CCDC191: variants seen among roughly 807,000 people sequenced by gnomAD.
The protein encoded by CCDC191 is coiled-coil domain-containing protein 191.
In CCDC191, 99 loss-of-function variants were observed where a neutral mutation model predicts 114.0. The ratio of observed to expected loss-of-function variants is 0.87; its 90% CI spans 0.74 to 1.03. The LOEUF is 1.03. CCDC191 is among the 50% of genes least tolerant of loss of function. CCDC191 has a pLI of 0.00. For missense variants in CCDC191, 973 were observed against 1,087.0 expected (o/e 0.90, Z 1.47); for synonymous variants, 351 against 376.0 (o/e 0.93, Z 0.77).
intron 13 of CCDC191, among the ~76,000 whole-genome samples, chr3:113,991,192 C>T (rs763544230): frequency 6.7e-6 from 1 of 148,202 alleles, no homozygotes; most frequent in East Asian, 2.0e-4. Flanking sequence ...GCTGAGATCA[C>T]GCCACTGCAC....
chr3:114,006,599 T>TAG (rs1321397981), intron 9 of CCDC191, among the ~76,000 whole-genome samples: 1 of 135,474 alleles, frequency 7.4e-6, no homozygotes, highest in African/African-American at 2.9e-5. Flanking sequence ...TATATATATA[T>TAG]ATATATATAT....
chr3:113,995,620 G>C (rs905114358), intron 13 of CCDC191, among the ~76,000 whole-genome samples: 3 of 152,176 alleles, frequency 2.0e-5, no homozygotes, highest in African/African-American at 7.2e-5. Flanking sequence ...AGAATGATTT[G>C]TATCGCTTTG....
At chr3:114,056,195 G>A (rs2076776380) in intron 1 of CCDC191, among the ~76,000 whole-genome samples, 182 bp downstream of exon 1, 1 of 152,086 alleles carries the variant, frequency 6.6e-6, no homozygotes, top group South Asian at 2.1e-4. Context: ...GCCGTAATGT[G>A]CCCAGACCCC....
chr3:114,047,836 G>A (rs2076650420), intron 2 of CCDC191, among the ~76,000 whole-genome samples: 1 of 152,038 alleles, frequency 6.6e-6, no homozygotes, highest in Non-Finnish European at 1.5e-5. Flanking sequence ...TTAGCCGGGT[G>A]TGGTGGCATG....
intron 13 of CCDC191, among the ~76,000 whole-genome samples, chr3:113,982,763 G>T: frequency 6.7e-6 from 1 of 150,326 alleles, no homozygotes; most frequent in African/African-American, 2.5e-5. Context: ...TTTATACTCT[G>T]CTCTTCTGCA....
At chr3:114,054,123 T>G (rs964262149) in intron 1 of CCDC191, 1 of 152,340 alleles carries the variant, frequency 6.6e-6, no homozygotes, top group East Asian at 1.9e-4. Context: ...GGATCTTGTT[T>G]GGCCCAATAA....
At chr3:113,978,743 A>T in intron 15 of CCDC191, 115 bp downstream of exon 15, 1 of 1,073,586 alleles carries the variant, frequency 9.3e-7, no homozygotes, top group Non-Finnish European at 1.4e-6. Context: ...GGGATTGACT[A>T]CTCTTTTGTT....
Position 114,011,014 on chromosome 3 carries a change from G to T in CCDC191, c.1171C>A (p.Gln391Lys). The T allele has an allele frequency of 6.2e-7, 1 of 1,610,172 alleles. No homozygotes were observed. The highest frequency in any genetic ancestry group is 8.5e-7 in the Non-Finnish European group (1 of 1,177,830). ...NDLREENRKQ[Q>K]LATEYNRKQV... ...TTCCGGTTATACTCAGTGGCCAGTTGTTGTTTTCTAAGCAACAAAGCACTT... is the reference window on the plus strand; with the variant it reads ...TTCCGGTTATACTCAGTGGCCAGTTTTTGTTTTCTAAGCAACAAAGCACTT... The change falls in exon 9 of 17, where the codon CAA becomes AAA. Residue 391 changes from glutamine to lysine, a missense_variant. Coordinates refer to ENST00000295878, the MANE Select transcript of CCDC191 (RefSeq NM_020817.2).
At chr3:114,014,242 C>T (rs146485482) in intron 8 of CCDC191, among the ~76,000 whole-genome samples, 1 of 152,206 alleles carries the variant, frequency 6.6e-6, no homozygotes, top group African/African-American at 2.4e-5. Context: ...GTGCCAGGTA[C>T]CCCCAGGGAC....
At chr3:114,052,194 A>G (rs2076706831) in intron 2 of CCDC191, among the ~76,000 whole-genome samples, 1 of 152,114 alleles carries the variant, frequency 6.6e-6, no homozygotes, top group Non-Finnish European at 1.5e-5. Flanking sequence ...TTTTTTCAAG[A>G]CAGATTTGAT....
chr3:114,011,493 A>G (rs2076069270), intron 8 of CCDC191, among the ~76,000 whole-genome samples: 1 of 152,236 alleles, frequency 6.6e-6, no homozygotes, highest in Non-Finnish European at 1.5e-5. Flanking sequence ...TTTAAGTAAA[A>G]GGCTTACAAA....
chr3:114,018,489 A>G (rs1439273051), intron 8 of CCDC191, among the ~76,000 whole-genome samples, 189 bp downstream of exon 8: 1 of 151,964 alleles, frequency 6.6e-6, no homozygotes, highest in Non-Finnish European at 1.5e-5. Flanking sequence ...CATTTAAATA[A>G]TTTTGTTTAC....
intron 3 of CCDC191, 82 bp from the exon 4 acceptor site, chr3:114,042,928 T>TGAA: frequency 7.7e-7 from 1 of 1,303,820 alleles, no homozygotes; most frequent in Non-Finnish European, 1.1e-6. Flanking sequence ...ATTCAATAAA[T>TGAA]ATTAATTGAG....
intron 16 of CCDC191, among the ~76,000 whole-genome samples, chr3:113,970,879 C>T (rs1228325919): frequency 6.6e-6 from 1 of 152,118 alleles, no homozygotes; most frequent in African/African-American, 2.4e-5. Flanking sequence ...CATCCATGTC[C>T]CTACAAAGGA....
intron 6 of CCDC191, among the ~76,000 whole-genome samples, chr3:114,033,435 T>G (rs1577455179): frequency 6.6e-6 from 1 of 152,248 alleles, no homozygotes; most frequent in African/African-American, 2.4e-5. Context: ...AGGGCAGTTT[T>G]CCTAAGGCTG....
intron 13 of CCDC191, among the ~76,000 whole-genome samples, chr3:113,985,514 T>C (rs2075323069): frequency 6.6e-6 from 1 of 151,714 alleles, no homozygotes; most frequent in South Asian, 2.1e-4. Context: ...ACCACTGGAG[T>C]GGGAACAGAA....
intron 13 of CCDC191, among the ~76,000 whole-genome samples, chr3:113,990,952 AAAAG>A (rs1184604288): frequency 2.7e-5 from 4 of 150,278 alleles, no homozygotes; most frequent in African/African-American, 9.7e-5. Flanking sequence ...AAAAAAAAAA[AAAAG>A]GCCAGATGTG....
intron 5 of CCDC191, among the ~76,000 whole-genome samples, chr3:114,035,673 AAAAGCACATTCATTTTT>A (rs1280966075): frequency 6.6e-6 from 1 of 152,180 alleles, no homozygotes; most frequent in Non-Finnish European, 1.5e-5. Context: ...AAAAACATGA[AAAAGCACATTCATTTTT>A]TTCAAACCTA....
At chr3:114,013,335 G>A (rs2107686358) in intron 8 of CCDC191, among the ~76,000 whole-genome samples, 1 of 152,298 alleles carries the variant, frequency 6.6e-6, no homozygotes, top group South Asian at 2.1e-4. Context: ...CAGAAGCACA[G>A]AAGCTAGAGA....
Sources: allele counts gnomAD v4.1 joint callset (sites outside exome capture counted in the v4.1 genomes callset), GRCh38; gene constraint gnomAD v4.1.1; transcripts MANE v1.5; gene names NCBI Gene and HGNC (gene_info 2026-07-23, HGNC 2026-07-21).